ASIC2: variants seen among roughly 807,000 people sequenced by gnomAD.
ASIC2 encodes acid-sensing ion channel 2.
A neutral mutation model predicts 57.3 loss-of-function variants in ASIC2; 25 were observed. The observed-to-expected ratio is 0.44, with a 90% CI of 0.32 to 0.61. The LOEUF (loss-of-function observed/expected upper bound fraction) is 0.61. ASIC2 is among the 20% of genes least tolerant of loss of function. The pLI is 0.06. For synonymous variants in ASIC2, 319 were observed against 307.5 expected (o/e 1.04, Z -0.39); for missense variants, 641 against 738.1 (o/e 0.87, Z 1.52).
intron 2 of ASIC2, among the ~76,000 whole-genome samples, chr17:33,094,120 C>T (rs1403454034): frequency 6.6e-6 from 1 of 152,164 alleles, no homozygotes; most frequent in East Asian, 1.9e-4. Flanking sequence ...CTCCACCCTG[C>T]TCTCTGTGCT....
At chr17:34,060,741 A>G (rs1057115333) in intron 1 of ASIC2, among the ~76,000 whole-genome samples, 1 of 152,182 alleles carries the variant, frequency 6.6e-6, no homozygotes, top group Non-Finnish European at 1.5e-5. Context: ...CAAGTAGAAG[A>G]AAGAAATTCA....
At chr17:34,022,881 C>T (rs1345757467) in intron 1 of ASIC2, among the ~76,000 whole-genome samples, 1 of 152,106 alleles carries the variant, frequency 6.6e-6, no homozygotes, top group African/African-American at 2.4e-5. Context: ...GAGGAGGGTC[C>T]TGGTGGGAGG....
intron 1 of ASIC2, among the ~76,000 whole-genome samples, chr17:33,423,227 TTGG>T (rs1355081629): frequency 6.6e-6 from 1 of 152,196 alleles, no homozygotes; most frequent in African/African-American, 2.4e-5. Context: ...GGCCTAGGTC[TTGG>T]TATGTTTTAA....
At chr17:33,525,323 G>T (rs963583687) in intron 1 of ASIC2, among the ~76,000 whole-genome samples, 4 of 152,166 alleles carry the variant, frequency 2.6e-5, no homozygotes, top group African/African-American at 9.7e-5. Flanking sequence ...CCCCTTTGTA[G>T]CTCACATATC....
chr17:33,785,341 CTCAG>C (rs1417258769), intron 1 of ASIC2, among the ~76,000 whole-genome samples: 3 of 152,206 alleles, frequency 2.0e-5, no homozygotes, highest in Non-Finnish European at 4.4e-5. Flanking sequence ...GTTTAAGCCA[CTCAG>C]TCTGTATTAC....
intron 1 of ASIC2, among the ~76,000 whole-genome samples, chr17:33,701,462 G>A (rs1908699302): frequency 6.6e-6 from 1 of 152,124 alleles, no homozygotes; most frequent in South Asian, 2.1e-4. Context: ...AATGAAGAAA[G>A]ACCATCATTT....
intron 1 of ASIC2, among the ~76,000 whole-genome samples, chr17:33,616,878 C>T (rs1031336462): frequency 6.6e-6 from 1 of 152,204 alleles, no homozygotes; most frequent in African/African-American, 2.4e-5. Flanking sequence ...CTTTTGGACA[C>T]CCTCCTATAG....
chr17:33,248,291 G>A (rs1908762482), intron 1 of ASIC2, among the ~76,000 whole-genome samples: 1 of 152,134 alleles, frequency 6.6e-6, no homozygotes, highest in Non-Finnish European at 1.5e-5. Flanking sequence ...CAGTGTAGGT[G>A]GAGTGGCTGA....
intron 1 of ASIC2, among the ~76,000 whole-genome samples, chr17:33,582,586 G>A (rs1801234976): frequency 1.3e-5 from 2 of 152,268 alleles, no homozygotes; most frequent in Middle Eastern, 3.4e-3. Context: ...CTACCTCATA[G>A]GGTTGTCACA....
intron 1 of ASIC2, 55 bp from the exon 2 acceptor site, chr17:33,112,122 G>T (rs1368821015): frequency 1.8e-5 from 27 of 1,536,894 alleles, no homozygotes; most frequent in Admixed American, 2.0e-5. Flanking sequence ...TCAGACGGGG[G>T]TCCAGAGATT....
At chr17:33,878,631 C>T (rs953386405) in intron 1 of ASIC2, among the ~76,000 whole-genome samples, 7 of 152,192 alleles carry the variant, frequency 4.6e-5, no homozygotes, top group African/African-American at 1.4e-4. Context: ...CTATGTCTGA[C>T]TGGTGTACCT....
At chr17:33,768,234 C>A (rs988077260) in intron 1 of ASIC2, among the ~76,000 whole-genome samples, 64 of 152,138 alleles carry the variant, frequency 4.2e-4, no homozygotes, top group African/African-American at 1.5e-3. Flanking sequence ...TCTCGATCTC[C>A]TGACCTCGTG....
chr17:33,510,485 A>T (rs982098937), intron 1 of ASIC2, among the ~76,000 whole-genome samples: 35 of 151,922 alleles, frequency 2.3e-4, no homozygotes, highest in African/African-American at 7.5e-4. Context: ...CTCTACAAAA[A>T]CTAAACAGAA....
In ASIC2 at chr17:33,013,872, A is replaced by T. The variant is rs1378607124; in HGVS notation, c.*93T>A. 9 of 1,153,526 alleles carry T rather than the reference A, an allele frequency of 7.8e-6. No individual in the cohort carries two copies. The Admixed American group carries it at 1.8e-4, about 23-fold the overall frequency. The allele number at this position is 1,153,526 out of a possible 1,614,324, so 71.5% of individuals were successfully genotyped here. On this transcript the variant is annotated 3_prime_UTR_variant, in exon 10 of 10. Coordinates refer to ENST00000225823, the MANE Select transcript of ASIC2 (RefSeq NM_183377.2). ...TAGGGGGCTCTTGCTTCTTTCCAGC[A>T]CTGGGGCCATCCCACCTGAGCTTGC...
chr17:33,789,464 TCACACACACACACA>T (rs3064584), intron 1 of ASIC2, among the ~76,000 whole-genome samples: 6 of 144,412 alleles, frequency 4.2e-5, no homozygotes, highest in Non-Finnish European at 7.6e-5. Context: ...AGAATCATGG[TCACACACACACACA>T]CACACACACA....
At chr17:34,098,412 C>T (rs1024258162) in intron 1 of ASIC2, among the ~76,000 whole-genome samples, 4 of 152,154 alleles carry the variant, frequency 2.6e-5, no homozygotes, top group Non-Finnish European at 5.9e-5. Context: ...GGAAAGTGCA[C>T]ATCTTAGAAT....
intron 1 of ASIC2, among the ~76,000 whole-genome samples, chr17:33,839,254 G>A (rs1913358064): frequency 6.6e-6 from 1 of 152,170 alleles, no homozygotes; most frequent in South Asian, 2.1e-4. Flanking sequence ...TCTAAATAGA[G>A]TTACTGACAG....
At chr17:33,394,733 A>G (rs1910015007) in intron 1 of ASIC2, among the ~76,000 whole-genome samples, 1 of 152,166 alleles carries the variant, frequency 6.6e-6, no homozygotes, top group Non-Finnish European at 1.5e-5. Flanking sequence ...ACCTTAGAAC[A>G]TTCCTGCCTA....
intron 4 of ASIC2, among the ~76,000 whole-genome samples, chr17:33,027,033 T>C (rs1208624220): frequency 1.3e-5 from 2 of 152,212 alleles, no homozygotes; most frequent in Admixed American, 6.5e-5. Context: ...ATAGGTCTCA[T>C]TGGTCCAGAA....
Sources: allele counts gnomAD v4.1 joint callset (sites outside exome capture counted in the v4.1 genomes callset), GRCh38; gene constraint gnomAD v4.1.1; transcripts MANE v1.5; gene names NCBI Gene and HGNC (gene_info 2026-07-23, HGNC 2026-07-21).